Variants in EIF2AK4 observed in about 807,000 individuals in gnomAD.
The protein encoded by EIF2AK4 is eukaryotic translation initiation factor 2 alpha kinase 4.
Under a neutral mutation model 211.1 loss-of-function variants are expected in EIF2AK4, and 139 were observed. The ratio of observed to expected loss-of-function variants is 0.66; its 90% CI spans 0.57 to 0.76. EIF2AK4 has a LOEUF of 0.76. EIF2AK4 is among the 30% of genes least tolerant of loss of function. EIF2AK4 has a pLI of 0.00. For synonymous variants in EIF2AK4, 710 were observed against 751.3 expected, an observed-to-expected ratio of 0.94 and a Z score of 0.90; for missense variants, 1,664 against 2,043.8, an observed-to-expected ratio of 0.81 and a Z score of 3.58.
chr15:39,989,240 G>T lies in EIF2AK4; in HGVS notation c.2527-1033G>T, dbSNP rs144763425. Among the ~76,000 whole-genome samples, 891 of 152,220 alleles carry T rather than the reference G, an allele frequency of 5.9e-3. 13 individuals are homozygous for T. The highest frequency in any genetic ancestry group is 0.021 in the African/African-American group (862 of 41,520). On this transcript the variant is annotated intron_variant, in intron 15 of 38. Transcript: ENST00000263791. Reference sequence around the variant, plus strand: ...GGGCCTAGCTTCAGGATGAAACACTGCTTACATTTTTAAAATGAGATTGTC... The same window carrying T: ...GGGCCTAGCTTCAGGATGAAACACTTCTTACATTTTTAAAATGAGATTGTC...
chr15:39,950,589 C>CAAAAA (rs771231139), intron 4 of EIF2AK4, among the ~76,000 whole-genome samples: 6 of 59,484 alleles, frequency 1.0e-4, no homozygotes, highest in Middle Eastern at 0.01. Flanking sequence ...ACTCTGTCTT[C>CAAAAA]AAAAAAAAAA....
At chr15:39,996,605 G>C (rs2035021474) in intron 18 of EIF2AK4, among the ~76,000 whole-genome samples, 1 of 152,150 alleles carries the variant, frequency 6.6e-6, no homozygotes, top group Non-Finnish European at 1.5e-5. Context: ...CAGCTACTTG[G>C]GAGGCTGAGG....
chr15:39,956,543 C>A (rs2034394963), intron 6 of EIF2AK4, among the ~76,000 whole-genome samples: 1 of 152,172 alleles, frequency 6.6e-6, no homozygotes, highest in African/African-American at 2.4e-5. Flanking sequence ...GCCAGGGGTC[C>A]CCTCCCTAAT....
At chr15:39,975,048 G>T (rs2034675416) in intron 11 of EIF2AK4, 1 of 152,206 alleles carries the variant, frequency 6.6e-6, no homozygotes, top group Non-Finnish European at 1.5e-5. Flanking sequence ...GCCCTACACT[G>T]TCCTCTTCCC....
chr15:39,991,384 T>C (rs1052638822), intron 16 of EIF2AK4: 1 of 152,238 alleles, frequency 6.6e-6, no homozygotes, highest in Non-Finnish European at 1.5e-5. Context: ...CATAGTGAGA[T>C]AGATAAGAGC....
At chr15:40,006,110 T>C (rs1003251511) in intron 23 of EIF2AK4, among the ~76,000 whole-genome samples, 1 of 152,194 alleles carries the variant, frequency 6.6e-6, no homozygotes, top group African/African-American at 2.4e-5. Flanking sequence ...TTGACCATAC[T>C]TTTTGGAGGG....
At chr15:39,957,839 T>C (rs2034412837) in intron 6 of EIF2AK4, among the ~76,000 whole-genome samples, 1 of 152,182 alleles carries the variant, frequency 6.6e-6, no homozygotes, top group South Asian at 2.1e-4. Context: ...TTGCTTCTCT[T>C]GATCTGTGGG....
chr15:40,012,574 ATC>A (rs913290217), intron 27 of EIF2AK4, among the ~76,000 whole-genome samples: 34 of 152,322 alleles, frequency 2.2e-4, no homozygotes, highest in African/African-American at 7.7e-4. Flanking sequence ...AGCACAGAGA[ATC>A]TGCACAAGAC....
At chr15:39,939,838 T>G (rs1248600818) in intron 2 of EIF2AK4, among the ~76,000 whole-genome samples, 1 of 152,268 alleles carries the variant, frequency 6.6e-6, no homozygotes. Flanking sequence ...CAGATACTTA[T>G]ATTTGCCTAG....
intron 4 of EIF2AK4, among the ~76,000 whole-genome samples, chr15:39,952,797 G>A (rs1341180056): frequency 1.3e-5 from 2 of 151,896 alleles, no homozygotes; most frequent in African/African-American, 2.4e-5. Flanking sequence ...TTCTATTTAA[G>A]TGTGTAGCCT....
intron 13 of EIF2AK4, among the ~76,000 whole-genome samples, chr15:39,981,864 G>A (rs565873641): frequency 6.6e-6 from 1 of 151,996 alleles, no homozygotes; most frequent in African/African-American, 2.4e-5. Context: ...AGTGGCAGCT[G>A]AGGGCATGTT....
chr15:39,948,485 A>G (rs1336497183), intron 3 of EIF2AK4, among the ~76,000 whole-genome samples: 1 of 152,222 alleles, frequency 6.6e-6, no homozygotes, highest in Non-Finnish European at 1.5e-5. Context: ...TCCTGTGTTC[A>G]CATAAAGAAT....
rs1190825449 is a variant in EIF2AK4 at position 39,982,627 on chromosome 15, A to G, written c.2320-3178A>G. ...TTTTGTTACATAGTACACATGTGCC[A>G]TGGTGGTTGCTGCACCCATTAACTT... On this transcript the variant is annotated intron_variant, in intron 13 of 38. Transcript: ENST00000263791. 7.0e-5 allele frequency among the ~76,000 whole-genome samples: 6 copies of G among 86,326 alleles called. No individual in the cohort carries two copies. In the East Asian group the frequency reaches 2.2e-3, roughly 32 times the overall value. 56.6% of individuals were successfully genotyped at this position (86,326 alleles called of 152,430 possible).
chr15:39,981,280 G>A (rs1318993281), intron 13 of EIF2AK4, among the ~76,000 whole-genome samples: 1 of 151,904 alleles, frequency 6.6e-6, no homozygotes, highest in Admixed American at 6.6e-5. Flanking sequence ...TGAGGCAGGA[G>A]AATTGCTTGA....
chr15:39,958,893 C>A (rs924593488), intron 6 of EIF2AK4, among the ~76,000 whole-genome samples: 1 of 151,960 alleles, frequency 6.6e-6, no homozygotes, highest in Admixed American at 6.6e-5. Context: ...TCTCTTCTTG[C>A]CACTTGGCTT....
At chr15:40,017,502 T>TTTATAC (rs397971303) in intron 29 of EIF2AK4, among the ~76,000 whole-genome samples, 2 of 76,744 alleles carry the variant, frequency 2.6e-5, no homozygotes, top group Non-Finnish European at 5.2e-5. Context: ...ACTCTGTTTC[T>TTTATAC]ATATATATAT....
At chr15:39,973,064 T>G (rs1215511662) in intron 10 of EIF2AK4, 50 bp downstream of exon 10, 1 of 1,531,392 alleles carries the variant, frequency 6.5e-7, no homozygotes, top group South Asian at 1.1e-5. Flanking sequence ...CATTAAATTA[T>G]TTTGAAAGTA....
intron 2 of EIF2AK4, among the ~76,000 whole-genome samples, 161 bp from the exon 3 acceptor site, chr15:39,943,222 G>A (rs1003536107): frequency 6.6e-6 from 1 of 152,216 alleles, no homozygotes; most frequent in African/African-American, 2.4e-5. Context: ...GTAGGACGCA[G>A]GTGACTCCAC....
intron 11 of EIF2AK4, 24 bp downstream of exon 11, chr15:39,973,773 TC>T (rs1451664714): frequency 6.2e-7 from 1 of 1,612,614 alleles, no homozygotes; most frequent in African/African-American, 1.3e-5. Context: ...TCATTCCCAG[TC>T]CCCTTTAGAG....
Sources: allele counts gnomAD v4.1 joint callset (sites outside exome capture counted in the v4.1 genomes callset), GRCh38; gene constraint gnomAD v4.1.1; transcripts MANE v1.5; gene names NCBI Gene and HGNC (gene_info 2026-07-23, HGNC 2026-07-21).